Variants in MEGF8 observed in about 807,000 individuals in gnomAD.
MEGF8 encodes multiple epidermal growth factor-like domains protein 8.
In MEGF8, 156 loss-of-function variants were observed where a neutral mutation model predicts 302.9. That is an observed-to-expected ratio of 0.52 (90% CI 0.45 to 0.59). The LOEUF (loss-of-function observed/expected upper bound fraction) is 0.59, where lower values mean the gene tolerates loss of function less well. Ranked by LOEUF, MEGF8 falls within the 20% of genes least tolerant of loss-of-function variation. The pLI, the probability that MEGF8 is intolerant of heterozygous loss-of-function variation, is 0.00. For missense variants in MEGF8, 3,345 were observed against 3,964.5 expected (o/e 0.84, Z 4.20); for synonymous variants, 1,621 against 1,660.5 (o/e 0.98, Z 0.58).
At position 42,356,193 on chromosome 19, in the gene MEGF8, C is replaced by A; in HGVS notation, c.4503C>A (p.Ala1501=). The change falls in exon 25 of 42, where the codon GCC becomes GCA. Residue 1501 remains alanine, a splice_region_variant and synonymous_variant. Transcript: ENST00000251268. The surrounding 1 kb of genome is among the most constrained non-coding windows in gnomAD (Gnocchi z 5.2). ...WETLMDSRLS[A]DTASRFLHRL... ...CCCTCATGGACAGCCGCCTCTCAGCCGTGAGTTGTGGGTACCCGCTGTCTA... is the reference window on the plus strand; with the variant it reads ...CCCTCATGGACAGCCGCCTCTCAGCAGTGAGTTGTGGGTACCCGCTGTCTA... 1 of 1,522,824 alleles carries A rather than the reference C, an allele frequency of 6.6e-7. No homozygotes were observed. The highest frequency in any genetic ancestry group is 1.9e-4 in the Middle Eastern group (1 of 5,276). The allele number at this position is 1,522,824 out of a possible 1,614,324, so 94.3% of individuals were successfully genotyped here.
chr19:42,376,590 C>A lies in MEGF8; in HGVS notation c.8353C>A (p.Leu2785Ile). 1 of 1,550,006 alleles carries A rather than the reference C, an allele frequency of 6.5e-7. No individual in the cohort carries two copies. Among genetic ancestry groups the A allele is most frequent in the Non-Finnish European group, 8.7e-7 (1 of 1,149,880 alleles). Reference protein sequence around the residue: ...DGMAGVATLLLQLPGGPHAPN... With the variant: ...DGMAGVATLLIQLPGGPHAPN... ...CATGGCTGGCGTGGCCACACTGCTG[C>A]TCCAGCTGCCTGGCGGGCCCCATGC... is the stretch of plus-strand genomic sequence containing the variant. Residue 2785 changes from leucine to isoleucine, a missense_variant, in exon 42 of 42, where the codon CTC (leucine) becomes ATC (isoleucine). By Grantham distance (5) the Leu-to-Ile change is conservative (BLOSUM62 2). Coordinates refer to ENST00000251268, the MANE Select transcript of MEGF8 (RefSeq NM_001271938.2). This position sits in a 1 kb window ranked among gnomAD's most constrained non-coding sequence, Gnocchi z 8.2.
At chr19:42,366,546 A>C (rs1436833273) in intron 35 of MEGF8, among the ~76,000 whole-genome samples, 2 of 152,170 alleles carry the variant, frequency 1.3e-5, no homozygotes, top group African/African-American at 4.8e-5. Context: ...TGGGGCAGGC[A>C]GCGGAGACAC....
intron 33 of MEGF8, 59 bp from the exon 34 acceptor site, chr19:42,362,325 T>G: frequency 6.2e-7 from 1 of 1,611,116 alleles, no homozygotes; most frequent in East Asian, 2.2e-5. Context: ...AACCACCGAG[T>G]TCTCAGCTGG....
intron 12 of MEGF8, among the ~76,000 whole-genome samples, chr19:42,346,604 G>A (rs2039292243): frequency 1.3e-5 from 2 of 152,124 alleles, no homozygotes; most frequent in South Asian, 4.1e-4. Flanking sequence ...TTGAGCCTGG[G>A]AGGCAGAGGT....
rs769642189 is a variant in MEGF8 at position 42,336,161 on chromosome 19, C to T, written c.1059C>T (p.Arg353=). 3 of 1,610,870 alleles carry T rather than the reference C, an allele frequency of 1.9e-6. No homozygotes were observed. The highest frequency in any genetic ancestry group is 1.1e-5 in the South Asian group (1 of 91,072). The change falls in exon 6 of 42, where the codon CGC becomes CGT. Residue 353 remains arginine (R), a synonymous_variant. Coordinates refer to ENST00000251268, the MANE Select transcript of MEGF8 (RefSeq NM_001271938.2). The surrounding 1 kb of genome is among the most constrained non-coding windows in gnomAD (Gnocchi z 4.8). ...DDVWLYVSGG[R]TPHDLFSSGL... ...TCTGGCTATATGTGTCTGGAGGCCG[C>T]ACCCCGCACGACCTCTTCTCCTCTG...
At position 42,344,608 on chromosome 19, in the gene MEGF8, C is replaced by T. The variant is rs376050744; in HGVS notation, c.1933+23C>T. 4.4e-5 allele frequency: 70 copies of T among 1,578,800 alleles called. No homozygotes were observed. The highest frequency in any genetic ancestry group is 1.4e-4 in the East Asian group (6 of 44,314). On this transcript the variant is annotated intron_variant, in intron 11 of 41. Transcript: ENST00000251268. This position sits in a 1 kb window ranked among gnomAD's most constrained non-coding sequence, Gnocchi z 4.5. ...CTGGTGAGTGTCCGCAGCAGTGGGC[C>T]GGCAGGAGGGGGCCAGAGCACTCCA...
Position 42,353,767 on chromosome 19 carries a change from C to T in MEGF8, c.3762-8C>T. 6.3e-7 allele frequency: 1 copy of T among 1,586,946 alleles called. No homozygotes were observed. Among genetic ancestry groups the T allele is most frequent in the South Asian group, 1.1e-5 (1 of 87,618 alleles). On this transcript the variant is annotated splice_polypyrimidine_tract_variant and splice_region_variant and intron_variant, in intron 21 of 41. Transcript: ENST00000251268. This position sits in a 1 kb window ranked among gnomAD's most constrained non-coding sequence, Gnocchi z 6.1. Reference sequence around the variant, plus strand: ...TGGTCTGACACTGGCTCTTCTCCATCTCCCCAGGGCCGGTGGTTCCTGCTT... The same window carrying T: ...TGGTCTGACACTGGCTCTTCTCCATTTCCCCAGGGCCGGTGGTTCCTGCTT...
intron 34 of MEGF8, 61 bp from the exon 35 acceptor site, chr19:42,362,986 AG>A: frequency 7.0e-7 from 1 of 1,419,288 alleles, no homozygotes; most frequent in Non-Finnish European, 9.8e-7. Context: ...GGTCTGAGGG[AG>A]GAGGGGCTGG....
Position 42,335,213 on chromosome 19 carries a change from G to C in MEGF8, c.737G>C (p.Gly246Ala). Residue 246 changes from glycine to alanine, a missense_variant and splice_region_variant, in exon 4 of 42, where the codon GGA becomes GCA. Transcript: ENST00000251268. ...LSPPGLLAVF[G>A]GQDLNNALGD... is the part of the protein sequence containing the mutation. ...CCACCAGGGCTGCTGGCAGTTTTCG[G>C]AGGTGAGCAGATGGGGCGAGTATCT... 6.2e-7 allele frequency: 1 copy of C among 1,614,016 alleles called. No individual in the cohort carries two copies. Among genetic ancestry groups the C allele is most frequent in the Non-Finnish European group, 8.5e-7 (1 of 1,179,888 alleles).
chr19:42,370,198 T>G lies in MEGF8; in HGVS notation c.6844T>G (p.Cys2282Gly). 1 of 1,612,664 alleles carries G rather than the reference T, an allele frequency of 6.2e-7. No homozygotes were observed. The highest frequency in any genetic ancestry group is 8.5e-7 in the Non-Finnish European group (1 of 1,179,606). Residue 2282 changes from cysteine to glycine, a missense_variant, in exon 39 of 42, where the codon TGT (cysteine) becomes GGT (glycine). Physicochemically the swap from Cys to Gly is radical, Grantham distance 159. Coordinates refer to ENST00000251268, the MANE Select transcript of MEGF8 (RefSeq NM_001271938.2). ...TGTCCTGGGTTCTCAGGGCAGCCAC[T>G]GTGAGCAGTGCCTCCCGCTGTTTGT... ...LCRNHTKGSH[C>G]EQCLPLFVGS...
At chr19:42,328,029 A>C (rs189939128) in intron 1 of MEGF8, among the ~76,000 whole-genome samples, 1 of 152,342 alleles carries the variant, frequency 6.6e-6, no homozygotes, top group Admixed American at 6.5e-5. Flanking sequence ...TGGAGGTTGC[A>C]GTGAGCCAAT....
Position 42,336,289 on chromosome 19 carries a change from T to C in MEGF8, c.1187T>C (p.Phe396Ser). ...PPAATGHSMV[F>S]HAPSRALLVH... is the part of the protein sequence containing the mutation. ...GCTGCCACTGGCCACTCCATGGTGT[T>C]CCATGCCCCCTCCCGTGCCCTGCTG... Residue 396 changes from phenylalanine (F) to serine (S), a missense_variant, in exon 6 of 42, where the codon TTC (phenylalanine) becomes TCC (serine). By Grantham distance (155) the Phe-to-Ser change is radical (BLOSUM62 -2). Coordinates refer to ENST00000251268, the MANE Select transcript of MEGF8 (RefSeq NM_001271938.2). The surrounding 1 kb of genome is among the most constrained non-coding windows in gnomAD (Gnocchi z 4.8). The C allele has an allele frequency of 6.2e-7, 1 of 1,608,302 alleles. No homozygotes were observed.
In MEGF8 at chr19:42,333,462, T is replaced by G. The variant is rs1267824621; in HGVS notation, c.188-143T>G. ...CTAGGTTATGAGACTGGGGGCCCCT[T>G]CAAGGCGGGGCCCAGGTCTGACTCA... On this transcript the variant is annotated intron_variant, in intron 1 of 41. Coordinates refer to ENST00000251268, the MANE Select transcript of MEGF8 (RefSeq NM_001271938.2). The G allele has an allele frequency of 6.2e-5, 55 of 893,018 alleles. No homozygotes were observed. In the East Asian group the frequency reaches 1.5e-3, roughly 24 times the overall value. 55.3% of individuals were successfully genotyped at this position (893,018 alleles called of 1,614,324 possible).
In MEGF8 at chr19:42,358,690, T is replaced by C; in HGVS notation, c.5176-97T>C. On this transcript the variant is annotated intron_variant, in intron 29 of 41. Coordinates refer to ENST00000251268, the MANE Select transcript of MEGF8 (RefSeq NM_001271938.2). The surrounding 1 kb of genome is among the most constrained non-coding windows in gnomAD (Gnocchi z 4.4). The stretch of plus-strand genomic sequence containing the variant: ...CTGCACTGGTTAGAGAGGCTGGTGG[T>C]TTCAGTCCACACGTTTCCAAGCCCG... The C allele has an allele frequency of 3.6e-6, 5 of 1,386,486 alleles. No individual in the cohort carries two copies. The highest frequency in any genetic ancestry group is 4.8e-6 in the Non-Finnish European group (5 of 1,044,022). The allele number at this position is 1,386,486 out of a possible 1,614,324, so 85.9% of individuals were successfully genotyped here. A position where few individuals can be genotyped will look rare whatever the true frequency, so the allele number is the denominator to read the frequency against.
At position 42,344,357 on chromosome 19, in the gene MEGF8, C is replaced by T; in HGVS notation, c.1789-84C>T. 6.7e-7 allele frequency: 1 copy of T among 1,494,688 alleles called. No individual in the cohort carries two copies. Among genetic ancestry groups the T allele is most frequent in the Admixed American group, 2.2e-5 (1 of 45,798 alleles). 92.6% of individuals were successfully genotyped at this position (1,494,688 alleles called of 1,614,324 possible). A position where few individuals can be genotyped will look rare whatever the true frequency, so the allele number is the denominator to read the frequency against. The stretch of plus-strand genomic sequence containing the variant: ...TTCAGTTTTTTCGCCCTTTCCATCG[C>T]AGGACCCTGTATCCACAGCCCTTCC... On this transcript the variant is annotated intron_variant, in intron 10 of 41. Coordinates refer to ENST00000251268, the MANE Select transcript of MEGF8 (RefSeq NM_001271938.2). This position sits in a 1 kb window ranked among gnomAD's most constrained non-coding sequence, Gnocchi z 4.5.
At chr19:42,370,041 G>A in intron 38 of MEGF8, 148 bp from the exon 39 acceptor site, 1 of 910,100 alleles carries the variant, frequency 1.1e-6, no homozygotes, top group East Asian at 2.5e-5. Context: ...GGAAGGCGGG[G>A]GCTAAATCCC....
At chr19:42,367,654 A>G (rs1332816695) in intron 35 of MEGF8, among the ~76,000 whole-genome samples, 1 of 152,184 alleles carries the variant, frequency 6.6e-6, no homozygotes, top group Non-Finnish European at 1.5e-5. Context: ...TTTACCTGGA[A>G]GAAACAGAAG....
At chr19:42,347,667 T>C (rs1024832956) in intron 12 of MEGF8, among the ~76,000 whole-genome samples, 5 of 152,072 alleles carry the variant, frequency 3.3e-5, no homozygotes, top group African/African-American at 4.8e-5. Context: ...TAATTTTTTG[T>C]ATTTAGTAGA....
At chr19:42,328,606 T>C (rs1472825821) in intron 1 of MEGF8, among the ~76,000 whole-genome samples, 1 of 127,266 alleles carries the variant, frequency 7.9e-6, no homozygotes, top group Non-Finnish European at 1.6e-5. Flanking sequence ...GGGGTCTGTG[T>C]GCTGGATATA....
Sources: gnomAD v4.1 joint callset for allele counts (sites outside exome capture counted in the v4.1 genomes callset) on GRCh38, gnomAD v4.1.1 for gene constraint, Gnocchi (gnomAD v3.1) non-coding constraint, MANE v1.5 for transcripts, NCBI Gene and HGNC (gene_info 2026-07-23, HGNC 2026-07-21) for gene names.